Variants in SIX6 observed in about 807,000 individuals in gnomAD.
The protein encoded by SIX6 is SIX homeobox 6, also known as homeobox protein SIX6.
In SIX6, 14 loss-of-function variants were observed where a neutral mutation model predicts 23.6. That is an observed-to-expected ratio of 0.59 (90% CI 0.39 to 0.93). SIX6 has a LOEUF of 0.93. SIX6 is among the 40% of genes least tolerant of loss of function. The pLI, the probability that SIX6 is intolerant of heterozygous loss-of-function variation, is 0.00. For missense variants in SIX6, 307 were observed against 325.6 expected (o/e 0.94, Z 0.44); for synonymous variants, 128 against 144.9 (o/e 0.88, Z 0.84).
chr14:60,509,618 C>T lies in SIX6; in HGVS notation c.220C>T (p.Leu74=). ...GGNYRELYHI[L]ENHKFTKESH... is the part of the protein sequence containing the mutation. The stretch of plus-strand genomic sequence containing the variant: ...CAACTACCGCGAGCTCTATCATATC[C>T]TGGAAAACCACAAGTTCACCAAGGA... The change falls in exon 1 of 2, where the codon CTG becomes TTG. Residue 74 remains leucine, a synonymous_variant. Coordinates refer to ENST00000327720, the MANE Select transcript of SIX6 (RefSeq NM_007374.3). 1 of 1,613,786 alleles carries T rather than the reference C, an allele frequency of 6.2e-7. No homozygotes were observed. The highest frequency in any genetic ancestry group is 8.5e-7 in the Non-Finnish European group (1 of 1,180,010).
At position 60,512,489 on chromosome 14, in the gene SIX6, T is replaced by C. The variant is rs558906482; in HGVS notation, c.*1237T>C. The C allele has an allele frequency of 7.9e-5, 12 of 152,236 alleles. No individual in the cohort carries two copies. Among genetic ancestry groups the C allele is most frequent in the Non-Finnish European group, 2.9e-5 (2 of 68,018 alleles). The allele number at this position is 152,236 out of a possible 1,614,324, so 9.4% of individuals were successfully genotyped here. ...AATTTGGTTTTAATCAAATGAATGG[T>C]TTTTAACAAGAGGGATACTGAGATG... On this transcript the variant is annotated 3_prime_UTR_variant, in exon 2 of 2. Coordinates refer to ENST00000327720, the MANE Select transcript of SIX6 (RefSeq NM_007374.3).
chr14:60,509,456 A>G lies in SIX6; in HGVS notation c.58A>G (p.Thr20Ala). 1 of 1,600,058 alleles carries G rather than the reference A, an allele frequency of 6.2e-7. No homozygotes were observed. The highest frequency in any genetic ancestry group is 8.5e-7 in the Non-Finnish European group (1 of 1,179,940). ...CCAGCAAGTGGCCGGGGTATGTGAG[A>G]CCCTGGAAGAGAGCGGCGATGTGGA... ...SPQQVAGVCE[T>A]LEESGDVERL... Residue 20 changes from threonine (T) to alanine (A), a missense_variant, in exon 1 of 2, where the codon ACC becomes GCC. Coordinates refer to ENST00000327720, the MANE Select transcript of SIX6 (RefSeq NM_007374.3).
At position 60,511,596 on chromosome 14, in the gene SIX6, G is replaced by C. The variant is rs568866449; in HGVS notation, c.*344G>C. The stretch of plus-strand genomic sequence containing the variant: ...CTCCCATGGGTATTTCACGTCGAAA[G>C]GACGCTGTTACATATGTATAACTTT... On this transcript the variant is annotated 3_prime_UTR_variant, in exon 2 of 2. Coordinates refer to ENST00000327720, the MANE Select transcript of SIX6 (RefSeq NM_007374.3). 1 of 473,262 alleles carries C rather than the reference G, an allele frequency of 2.1e-6. No individual in the cohort carries two copies. The highest frequency in any genetic ancestry group is 2.0e-5 in the African/African-American group (1 of 51,270). 29.3% of individuals were successfully genotyped at this position (473,262 alleles called of 1,614,324 possible).
chr14:60,509,414 A>C lies in SIX6; in HGVS notation c.16A>C (p.Ile6Leu). 1 of 1,599,472 alleles carries C rather than the reference A, an allele frequency of 6.3e-7. No homozygotes were observed. The highest frequency in any genetic ancestry group is 8.5e-7 in the Non-Finnish European group (1 of 1,179,928). The stretch of plus-strand genomic sequence containing the variant: ...CACTGCCTCGATGTTCCAGCTGCCC[A>C]TCTTGAATTTCAGCCCCCAGCAAGT... Reference protein sequence around the residue: MFQLPILNFSPQQVAG... With the variant: MFQLPLLNFSPQQVAG... The change falls in exon 1 of 2, where the codon ATC becomes CTC. Residue 6 changes from isoleucine to leucine, a missense_variant. Coordinates refer to ENST00000327720, the MANE Select transcript of SIX6 (RefSeq NM_007374.3).
At position 60,512,555 on chromosome 14, in the gene SIX6, A is replaced by C. The variant is rs1397079415; in HGVS notation, c.*1303A>C. 1.3e-5 allele frequency: 2 copies of C among 152,252 alleles called. No homozygotes were observed. The allele number at this position is 152,252 out of a possible 1,614,324, so 9.4% of individuals were successfully genotyped here. A position where few individuals can be genotyped will look rare whatever the true frequency, so the allele number is the denominator to read the frequency against. On this transcript the variant is annotated 3_prime_UTR_variant, in exon 2 of 2. Coordinates refer to ENST00000327720, the MANE Select transcript of SIX6 (RefSeq NM_007374.3). ...TCATGTCACATACTGAGGGTAAAAC[A>C]AGGCTGTAGAAATAACTGGCATTTT... is the stretch of plus-strand genomic sequence containing the variant.
Position 60,509,174 on chromosome 14 carries a change from T to C in SIX6, c.-225T>C, listed in dbSNP as rs1893249599. 1.7e-6 allele frequency: 1 copy of C among 577,578 alleles called. No individual in the cohort carries two copies. The allele number at this position is 577,578 out of a possible 1,614,324, so 35.8% of individuals were successfully genotyped here. A position where few individuals can be genotyped will look rare whatever the true frequency, so the allele number is the denominator to read the frequency against. On this transcript the variant is annotated 5_prime_UTR_variant, in exon 1 of 2. Coordinates refer to ENST00000327720, the MANE Select transcript of SIX6 (RefSeq NM_007374.3). ...AGCGGAGCCAGCTCGCCTGCCGGCG[T>C]GCCTGAGCCGAGCCGAGCCCGAACC...
At chr14:60,511,056 T>A in intron 1 of SIX6, 28 bp from the exon 2 acceptor site, 1 of 1,609,382 alleles carries the variant, frequency 6.2e-7, no homozygotes, top group Non-Finnish European at 8.5e-7. Flanking sequence ...TTACGAGCTG[T>A]GACCCGTGTT....
In SIX6 at chr14:60,511,518, G is replaced by C; in HGVS notation, c.*266G>C. 1 of 581,102 alleles carries C rather than the reference G, an allele frequency of 1.7e-6. No individual in the cohort carries two copies. The highest frequency in any genetic ancestry group is 3.1e-6 in the Non-Finnish European group (1 of 325,858). 36.0% of individuals were successfully genotyped at this position (581,102 alleles called of 1,614,324 possible). A position where few individuals can be genotyped will look rare whatever the true frequency, so the allele number is the denominator to read the frequency against. On this transcript the variant is annotated 3_prime_UTR_variant, in exon 2 of 2. Transcript: ENST00000327720. ...TGCTTTGCTTTTTCCTAAGGATTTT[G>C]CTGCAAAGTCTCCTTCGGAACCCGA...
chr14:60,509,903 C>A lies in SIX6; in HGVS notation c.505C>A (p.Pro169Thr). 1 of 1,612,586 alleles carries A rather than the reference C, an allele frequency of 6.2e-7. No homozygotes were observed. The highest frequency in any genetic ancestry group is 8.5e-7 in the Non-Finnish European group (1 of 1,179,254). ...RELAQATGLT[P>T]TQVGNWFKNR... ...GCTCGCCCAGGCAACCGGACTGACC[C>A]CTACGCAGGTGGGCAACTGGTTCAA... The change falls in exon 1 of 2, where the codon CCT (proline) becomes ACT (threonine). Residue 169 changes from proline (P) to threonine (T), a missense_variant. Coordinates refer to ENST00000327720, the MANE Select transcript of SIX6 (RefSeq NM_007374.3).
Position 60,511,669 on chromosome 14 carries a change from C to A in SIX6, c.*417C>A. 1 of 284,434 alleles carries A rather than the reference C, an allele frequency of 3.5e-6. No individual in the cohort carries two copies. The highest frequency in any genetic ancestry group is 6.8e-6 in the Non-Finnish European group (1 of 146,986). The allele number at this position is 284,434 out of a possible 1,614,324, so 17.6% of individuals were successfully genotyped here. On this transcript the variant is annotated 3_prime_UTR_variant, in exon 2 of 2. Transcript: ENST00000327720. The stretch of plus-strand genomic sequence containing the variant: ...AAAACATATATATGCTGTTTATTTA[C>A]TTATTTAAGAGACCGCCATGGTAGG...
chr14:60,509,415 T>A lies in SIX6; in HGVS notation c.17T>A (p.Ile6Asn), dbSNP rs199904203. Residue 6 changes from isoleucine (I) to asparagine (N), a missense_variant, in exon 1 of 2, where the codon ATC becomes AAC. Ile to Asn is a moderately radical substitution (Grantham distance 149, BLOSUM62 -3). Transcript: ENST00000327720. ...ACTGCCTCGATGTTCCAGCTGCCCA[T>A]CTTGAATTTCAGCCCCCAGCAAGTG... MFQLP[I>N]LNFSPQQVAG... 1 of 1,599,358 alleles carries A rather than the reference T, an allele frequency of 6.3e-7. No individual in the cohort carries two copies.
intron 1 of SIX6, among the ~76,000 whole-genome samples, chr14:60,510,245 G>A (rs1395234789): frequency 2.0e-5 from 3 of 152,134 alleles, no homozygotes; most frequent in African/African-American, 7.2e-5. Context: ...GAGGGGAAGA[G>A]AAATAAAAAA....
In SIX6 at chr14:60,509,833, G is replaced by C; in HGVS notation, c.435G>C (p.Glu145Asp). The change falls in exon 1 of 2, where the codon GAG becomes GAC. Residue 145 changes from glutamate to aspartate, a missense_variant. Transcript: ENST00000327720. ...FKERTRHLLREWYLQDPYPNP... is the reference protein window; with the variant it reads ...FKERTRHLLRDWYLQDPYPNP... ...AGCGCACGCGGCACCTGCTACGCGA[G>C]TGGTACCTGCAGGATCCATACCCTA... is the stretch of plus-strand genomic sequence containing the variant. The C allele has an allele frequency of 1.2e-6, 2 of 1,613,990 alleles. No individual in the cohort carries two copies. The highest frequency in any genetic ancestry group is 8.5e-7 in the Non-Finnish European group (1 of 1,179,870).
rs1420940644 is a variant in SIX6, at chr14:60,511,080, G to A, written c.573-4G>A. The A allele has an allele frequency of 1.2e-6, 2 of 1,612,452 alleles. No homozygotes were observed. The highest frequency in any genetic ancestry group is 1.7e-6 in the Non-Finnish European group (2 of 1,179,726). On this transcript the variant is annotated splice_region_variant and splice_polypyrimidine_tract_variant and intron_variant, in intron 1 of 1. Coordinates refer to ENST00000327720, the MANE Select transcript of SIX6 (RefSeq NM_007374.3). ...GTGACCCGTGTTCCCTTTCTTCCCCGTAGACTCCAGCAGCAGGTCCTGTCA... is the reference window on the plus strand; with the variant it reads ...GTGACCCGTGTTCCCTTTCTTCCCCATAGACTCCAGCAGCAGGTCCTGTCA...
chr14:60,510,932 TC>T (rs1455802235), intron 1 of SIX6, 151 bp from the exon 2 acceptor site: 61 of 782,186 alleles, frequency 7.8e-5, no homozygotes, highest in Non-Finnish European at 9.2e-5. Context: ...CTGCCCGACC[TC>T]TGTCGCCTTG....
Position 60,509,658 on chromosome 14 carries a change from T to A in SIX6, c.260T>A (p.Leu87Gln). The A allele has an allele frequency of 6.2e-7, 1 of 1,613,988 alleles. No homozygotes were observed. Among genetic ancestry groups the A allele is most frequent in the Non-Finnish European group, 8.5e-7 (1 of 1,180,026 alleles). Residue 87 changes from leucine (L) to glutamine (Q), a missense_variant, in exon 1 of 2, where the codon CTG (leucine) becomes CAG (glutamine). Coordinates refer to ENST00000327720, the MANE Select transcript of SIX6 (RefSeq NM_007374.3). ...HKFTKESHAK[L>Q]QALWLEAHYQ... is the part of the protein sequence containing the mutation. Reference sequence around the variant, plus strand: ...TTCACCAAGGAGTCGCACGCCAAGCTGCAGGCGCTGTGGCTTGAAGCACAC... The same window carrying A: ...TTCACCAAGGAGTCGCACGCCAAGCAGCAGGCGCTGTGGCTTGAAGCACAC...
Position 60,509,604 on chromosome 14 carries a change from A to C in SIX6, c.206A>C (p.Glu69Ala). 1 of 1,613,542 alleles carries C rather than the reference A, an allele frequency of 6.2e-7. No homozygotes were observed. Among genetic ancestry groups the C allele is most frequent in the Non-Finnish European group, 8.5e-7 (1 of 1,179,996 alleles). ...IVAFHGGNYR[E>A]LYHILENHKF... ...GCCTTTCACGGTGGCAACTACCGCG[A>C]GCTCTATCATATCCTGGAAAACCAC... The change falls in exon 1 of 2, where the codon GAG (glutamate) becomes GCG (alanine). Residue 69 changes from glutamate to alanine, a missense_variant. By Grantham distance (107) the Glu-to-Ala change is moderately radical (BLOSUM62 -1). Transcript: ENST00000327720.
Position 60,511,657 on chromosome 14 carries a change from G to A in SIX6, c.*405G>A. ...TTTTTTTTTAACAAAACATATATAT[G>A]CTGTTTATTTACTTATTTAAGAGAC... On this transcript the variant is annotated 3_prime_UTR_variant, in exon 2 of 2. Coordinates refer to ENST00000327720, the MANE Select transcript of SIX6 (RefSeq NM_007374.3). 1 of 330,676 alleles carries A rather than the reference G, an allele frequency of 3.0e-6. No homozygotes were observed. Among genetic ancestry groups the A allele is most frequent in the South Asian group, 2.8e-5 (1 of 35,746 alleles). 20.5% of individuals were successfully genotyped at this position (330,676 alleles called of 1,614,324 possible).
In SIX6 at chr14:60,511,703, T is replaced by C. The variant is rs1404905170; in HGVS notation, c.*451T>C. The C allele has an allele frequency of 4.1e-6, 1 of 246,644 alleles. No individual in the cohort carries two copies. Among genetic ancestry groups the C allele is most frequent in the Non-Finnish European group, 8.0e-6 (1 of 125,024 alleles). The allele number at this position is 246,644 out of a possible 1,614,324, so 15.3% of individuals were successfully genotyped here. On this transcript the variant is annotated 3_prime_UTR_variant, in exon 2 of 2. Coordinates refer to ENST00000327720, the MANE Select transcript of SIX6 (RefSeq NM_007374.3). ...GAGACCGCCATGGTAGGTTTCTCTG[T>C]AGCTTGGGGAACTTGCTGTTTCTAA...
Sources: allele counts gnomAD v4.1 joint callset (sites outside exome capture counted in the v4.1 genomes callset), GRCh38; gene constraint gnomAD v4.1.1; transcripts MANE v1.5; gene names NCBI Gene and HGNC (gene_info 2026-07-23, HGNC 2026-07-21).